RIMBP2: variants seen among roughly 807,000 people sequenced by gnomAD.
The protein encoded by RIMBP2 is RIMS-binding protein 2.
A neutral mutation model predicts 118.6 loss-of-function variants in RIMBP2; 48 were observed. The ratio of observed to expected loss-of-function variants is 0.40; its 90% CI spans 0.32 to 0.51. RIMBP2 has a LOEUF of 0.51. Among genes scored for constraint, RIMBP2 ranks in the 20% least tolerant of loss-of-function variants. The probability of loss-of-function intolerance (pLI) is 0.41; values close to 1 mark genes in which losing one functional copy is unlikely to be tolerated. For synonymous variants in RIMBP2, 762 were observed against 742.9 expected, an observed-to-expected ratio of 1.03 and a Z score of -0.42; for missense variants, 1,551 against 1,768.3, an observed-to-expected ratio of 0.88 and a Z score of 2.20.
intron 6 of RIMBP2, among the ~76,000 whole-genome samples, chr12:130,467,409 C>G (rs1479664290): frequency 6.6e-6 from 1 of 152,188 alleles, no homozygotes; most frequent in Non-Finnish European, 1.5e-5. Flanking sequence ...CTTGTGGTCC[C>G]CACCCAGGAA....
intron 9 of RIMBP2, 133 bp from the exon 10 acceptor site, chr12:130,445,402 G>C (rs555786890): frequency 3.4e-6 from 2 of 580,824 alleles, no homozygotes; most frequent in South Asian, 2.5e-5. Context: ...ATAATCGTTC[G>C]GGGCTGATGA....
intron 3 of RIMBP2, among the ~76,000 whole-genome samples, chr12:130,509,151 T>A (rs2050655794): frequency 2.0e-5 from 3 of 152,214 alleles, no homozygotes; most frequent in Admixed American, 6.5e-5. Context: ...GAAGCAGGAT[T>A]TGGGGAGAAT....
chr12:130,579,108 G>T (rs534346963), intron 2 of RIMBP2, among the ~76,000 whole-genome samples: 4 of 152,068 alleles, frequency 2.6e-5, no homozygotes, highest in African/African-American at 9.7e-5. Flanking sequence ...GTTTGTTCTT[G>T]GTCTGGTGCA....
intron 2 of RIMBP2, among the ~76,000 whole-genome samples, chr12:130,558,153 A>T (rs928335960): frequency 6.6e-6 from 1 of 152,176 alleles, no homozygotes; most frequent in Non-Finnish European, 1.5e-5. Flanking sequence ...ATGAAACAAC[A>T]ACAAAATGCA....
chr12:130,530,513 A>G (rs773997210), intron 2 of RIMBP2, among the ~76,000 whole-genome samples: 2 of 152,204 alleles, frequency 1.3e-5, no homozygotes, highest in African/African-American at 2.4e-5. Context: ...CAATATATAG[A>G]AAACCTTATA....
chr12:130,582,549 G>A (rs1200421859), intron 2 of RIMBP2, among the ~76,000 whole-genome samples: 1 of 152,238 alleles, frequency 6.6e-6, no homozygotes, highest in Non-Finnish European at 1.5e-5. Flanking sequence ...ACAAGCATTT[G>A]CCAGCTGCTG....
rs2061430101 is a variant in RIMBP2, at chr12:130,623,287, G to A, written c.-217+5035C>T. ...CTTTAAGTTCTTGGCTACATGTGCAGAACATGCAGGTTTGTTACACAGGTA... is the reference window on the plus strand; with the variant it reads ...CTTTAAGTTCTTGGCTACATGTGCAAAACATGCAGGTTTGTTACACAGGTA... On this transcript the variant is annotated intron_variant, in intron 2 of 22. Coordinates refer to ENST00000690449, the MANE Select transcript of RIMBP2 (RefSeq NM_001393629.1). The surrounding 1 kb of genome is among the most constrained non-coding windows in gnomAD (Gnocchi z 4.1). Among the ~76,000 whole-genome samples, 1 of 152,168 alleles carries A rather than the reference G, an allele frequency of 6.6e-6. No individual in the cohort carries two copies. Among genetic ancestry groups the A allele is most frequent in the Admixed American group, 6.5e-5 (1 of 15,280 alleles).
chr12:130,715,899 T>C (rs1378480709), intron 1 of RIMBP2, among the ~76,000 whole-genome samples: 7 of 152,036 alleles, frequency 4.6e-5, no homozygotes, highest in African/African-American at 1.7e-4. Flanking sequence ...CTTAAAAGCC[T>C]GGGGTGGGGG....
chr12:130,640,461 G>A (rs1425496922), intron 1 of RIMBP2, among the ~76,000 whole-genome samples: 1 of 152,176 alleles, frequency 6.6e-6, no homozygotes, highest in Non-Finnish European at 1.5e-5. Flanking sequence ...ATAAAGTTAT[G>A]TTCAGAATTT....
chr12:130,706,556 C>T (rs936566228), intron 1 of RIMBP2, among the ~76,000 whole-genome samples: 3 of 152,272 alleles, frequency 2.0e-5, no homozygotes, highest in Non-Finnish European at 4.4e-5. Context: ...CAGGCAGGTC[C>T]GCGCTCCCCA....
intron 2 of RIMBP2, among the ~76,000 whole-genome samples, chr12:130,616,453 C>T (rs1008861909): frequency 1.3e-5 from 2 of 152,180 alleles, no homozygotes; most frequent in Non-Finnish European, 2.9e-5. Context: ...GCAACTACCA[C>T]GGTTGCAAAC....
At chr12:130,493,142 C>A (rs1208124104) in intron 4 of RIMBP2, among the ~76,000 whole-genome samples, 2 of 151,288 alleles carry the variant, frequency 1.3e-5, no homozygotes, top group Admixed American at 6.6e-5. Context: ...GCTCAAAAAA[C>A]CAAAACAAAA....
chr12:130,634,472 C>T (rs188453434), intron 1 of RIMBP2, among the ~76,000 whole-genome samples: 1 of 152,322 alleles, frequency 6.6e-6, no homozygotes, highest in Non-Finnish European at 1.5e-5. Context: ...AACAATCACA[C>T]CCGAAGTCTC....
rs1281133989 is a variant in RIMBP2, at chr12:130,441,968, T to G, written c.1384A>C (p.Arg462=). ...TTCACCTTATAGGCCATGTTGGGCC[T>G]GAGATTGAAGAACTGGTACTTGTAC... is the stretch of plus-strand genomic sequence containing the variant. ...ARYKYQFFNL[R]PNMAYKVKVL... The change falls in exon 11 of 23, where the codon AGG becomes CGG. Residue 462 remains arginine (R), a synonymous_variant. Coordinates refer to ENST00000690449, the MANE Select transcript of RIMBP2 (RefSeq NM_001393629.1). 1 of 1,613,998 alleles carries G rather than the reference T, an allele frequency of 6.2e-7. No homozygotes were observed. The highest frequency in any genetic ancestry group is 8.5e-7 in the Non-Finnish European group (1 of 1,180,040).
chr12:130,648,177 T>C (rs1247530104), intron 1 of RIMBP2, among the ~76,000 whole-genome samples: 1 of 140,902 alleles, frequency 7.1e-6, no homozygotes, highest in Non-Finnish European at 1.6e-5. Flanking sequence ...CAGTAAATAC[T>C]AAAGATGAAA....
intron 1 of RIMBP2, among the ~76,000 whole-genome samples, chr12:130,715,726 G>T (rs1950279345): frequency 6.6e-6 from 1 of 151,582 alleles, no homozygotes; most frequent in Admixed American, 6.6e-5. Context: ...CCGAGCTGGG[G>T]ACTCTGATGT....
chr12:130,477,820 C>A (rs1377186733), intron 5 of RIMBP2, among the ~76,000 whole-genome samples: 1 of 152,184 alleles, frequency 6.6e-6, no homozygotes, highest in Non-Finnish European at 1.5e-5. Context: ...GATCGAGGGG[C>A]CACCTAGGGC....
chr12:130,433,813 C>A (rs78826586), intron 14 of RIMBP2, among the ~76,000 whole-genome samples: 3,280 of 152,320 alleles, frequency 0.022, 83 homozygotes, highest in East Asian at 0.1. Flanking sequence ...AGAACTCAGA[C>A]CCCTGACACA....
At chr12:130,664,447 G>GTGCATGCATA (rs1566439284) in intron 1 of RIMBP2, among the ~76,000 whole-genome samples, 1 of 122,414 alleles carries the variant, frequency 8.2e-6, no homozygotes, top group African/African-American at 3.0e-5. Context: ...ACGCACACAC[G>GTGCATGCATA]CACACACATG....
Sources: gnomAD v4.1 joint callset for allele counts (sites outside exome capture counted in the v4.1 genomes callset) on GRCh38, gnomAD v4.1.1 for gene constraint, Gnocchi (gnomAD v3.1) non-coding constraint, MANE v1.5 for transcripts, NCBI Gene and HGNC (gene_info 2026-07-23, HGNC 2026-07-21) for gene names.